The following ZNF527 variants were observed in gnomAD, a reference collection of about 807,000 sequenced individuals.
ZNF527 encodes the protein zinc finger protein 527.
ZNF527 carries 5 observed loss-of-function variants against 13.5 expected under a neutral mutation model. The observed-to-expected ratio is 0.37, with a 90% CI of 0.19 to 0.78. ZNF527 has a LOEUF of 0.78. Ranked by LOEUF, ZNF527 falls within the 30% of genes least tolerant of loss-of-function variation. ZNF527 has a pLI of 0.48. For missense variants in ZNF527, 628 were observed against 726.4 expected, an observed-to-expected ratio of 0.86 and a Z score of 1.56; for synonymous variants, 209 against 243.1, an observed-to-expected ratio of 0.86 and a Z score of 1.30.
At chr19:37,386,738 T>A (rs2040703236) in intron 4 of ZNF527, among the ~76,000 whole-genome samples, 1 of 152,188 alleles carries the variant, frequency 6.6e-6, no homozygotes, top group Admixed American at 6.5e-5. Flanking sequence ...ATAACTGTAG[T>A]CTTCTCCCAT....
chr19:37,389,106 A>G lies in ZNF527; in HGVS notation c.1057A>G (p.Thr353Ala). The change falls in exon 5 of 5, where the codon ACT (threonine) becomes GCT (alanine). Residue 353 changes from threonine (T) to alanine (A), a missense_variant. By Grantham distance (58) the Thr-to-Ala change is moderately conservative (BLOSUM62 0). Around this residue, in one of 3 missense-constraint regions of ZNF527, gnomAD observed 592 missense variants for 678.0 expected, o/e 0.87. Transcript: ENST00000436120. ...CCTTGCTCAACATCAGAGGATCCAC[A>G]CTGGAGAGAAACCGTTTGCGTGCAA... The part of the protein sequence containing the change: ...AHLAQHQRIH[T>A]GEKPFACNEC... The G allele has an allele frequency of 6.2e-7, 1 of 1,614,232 alleles. No individual in the cohort carries two copies. Among genetic ancestry groups the G allele is most frequent in the Non-Finnish European group, 8.5e-7 (1 of 1,180,028 alleles).
At position 37,375,242 on chromosome 19, in the gene ZNF527, T is replaced by TTTTCTTTCTTTC. The variant is rs772278647; in HGVS notation, c.33+1071_33+1082dup. ...TGTGAATTTGGGAGTCCTTAGTGTA[T>TTTTCTTTCTTTC]TTTCTTTCTTTCTTTCTTTCTTTCT... On this transcript the variant is annotated intron_variant, in intron 2 of 4. Coordinates refer to ENST00000436120, the MANE Select transcript of ZNF527 (RefSeq NM_032453.2). 7.8e-3 allele frequency among the ~76,000 whole-genome samples: 761 copies of TTTTCTTTCTTTC among 97,186 alleles called. 9 individuals carry two copies. Among genetic ancestry groups the TTTTCTTTCTTTC allele is most frequent in the Non-Finnish European group, 0.011 (507 of 47,930 alleles). The allele number at this position is 97,186 out of a possible 152,430, so 63.8% of individuals were successfully genotyped here.
Position 37,385,806 on chromosome 19 carries a change from T to C in ZNF527, c.257-2500T>C, listed in dbSNP as rs146219373. On this transcript the variant is annotated intron_variant, in intron 4 of 4. Coordinates refer to ENST00000436120, the MANE Select transcript of ZNF527 (RefSeq NM_032453.2). ...TGTTCTTGCCAACCTTACTCCCTTCTCTCTTCCAATTACTTACATAGCAGT... is the reference window on the plus strand; with the variant it reads ...TGTTCTTGCCAACCTTACTCCCTTCCCTCTTCCAATTACTTACATAGCAGT... Among the ~76,000 whole-genome samples the C allele has an allele frequency of 2.0e-5, 3 of 152,312 alleles. No individual in the cohort carries two copies. The East Asian group carries it at 5.8e-4, about 29-fold the overall frequency.
In ZNF527 at chr19:37,389,803, A is replaced by G; in HGVS notation, c.1754A>G (p.Asn585Ser). 1 of 1,613,310 alleles carries G rather than the reference A, an allele frequency of 6.2e-7. No individual in the cohort carries two copies. Among genetic ancestry groups the G allele is most frequent in the African/African-American group, 1.3e-5 (1 of 75,052 alleles). ...GCTGGAGAAAAACCTTATAAATGTA[A>G]CGAATGTGGGAATAATTTTAGCTGT... Reference protein sequence around the residue: ...IHAGEKPYKCNECGNNFSCVS... With the variant: ...IHAGEKPYKCSECGNNFSCVS... Residue 585 changes from asparagine (N) to serine (S), a missense_variant, in exon 5 of 5, where the codon AAC becomes AGC. By Grantham distance (46) the Asn-to-Ser change is conservative (BLOSUM62 1). This residue lies in a region of ZNF527 where 592 missense variants were observed against 678.0 expected (regional missense o/e 0.87). Transcript: ENST00000436120.
Position 37,379,047 on chromosome 19 carries a change from G to T in ZNF527, c.34-73G>T, listed in dbSNP as rs1472954952. 6.3e-6 allele frequency: 10 copies of T among 1,582,882 alleles called. No individual in the cohort carries two copies. The African/African-American group carries it at 1.4e-4, about 22-fold the overall frequency. ...GCATCACTTAGAGCTTTGAACTCTG[G>T]CCAAATTCATCTTTTTTGCTAGGAC... On this transcript the variant is annotated intron_variant, in intron 2 of 4. Transcript: ENST00000436120.
chr19:37,374,122 C>A, intron 1 of ZNF527, 36 bp from the exon 2 acceptor site: 2 of 1,418,382 alleles, frequency 1.4e-6, no homozygotes, highest in Non-Finnish European at 1.0e-6. Flanking sequence ...ACAGGGCTGG[C>A]ACATCATCAT....
Position 37,389,186 on chromosome 19 carries a change from T to G in ZNF527, c.1137T>G (p.Ile379Met), listed in dbSNP as rs2040728855. Residue 379 changes from isoleucine to methionine, a missense_variant, in exon 5 of 5, where the codon ATT becomes ATG. Transcript: ENST00000436120. ...CCTTCCTTGTTGAACATCAGAGAAT[T>G]CACACAGGTGAGAAACCATATGAAT... ...RYAFLVEHQRIHTGEKPYECK... is the reference protein window; with the variant it reads ...RYAFLVEHQRMHTGEKPYECK... 1.9e-6 allele frequency: 3 copies of G among 1,614,070 alleles called. No individual in the cohort carries two copies. The Admixed American group carries it at 5.0e-5, about 27-fold the overall frequency.
intron 4 of ZNF527, among the ~76,000 whole-genome samples, chr19:37,381,477 A>G (rs929573714): frequency 1.3e-5 from 2 of 152,226 alleles, no homozygotes; most frequent in Admixed American, 1.3e-4. Context: ...TTTGCAAAGA[A>G]TGTCACAGAA....
chr19:37,388,684 T>G lies in ZNF527; in HGVS notation c.635T>G (p.Leu212Arg). The change falls in exon 5 of 5, where the codon CTC (leucine) becomes CGC (arginine). Residue 212 changes from leucine (L) to arginine (R), a missense_variant. By Grantham distance (102) the Leu-to-Arg change is moderately radical. This residue lies in a region of ZNF527 where 592 missense variants were observed against 678.0 expected (regional missense o/e 0.87). Transcript: ENST00000436120. ...QNSVIIEYKR[L>R]HAEKESLIGN... ...TCAGTCATAATTGAATATAAAAGAC[T>G]CCATGCTGAGAAGGAATCTTTGATA... The G allele has an allele frequency of 6.2e-7, 1 of 1,611,600 alleles. No individual in the cohort carries two copies. The highest frequency in any genetic ancestry group is 8.5e-7 in the Non-Finnish European group (1 of 1,179,350).
chr19:37,374,708 G>A (rs1004178104), intron 2 of ZNF527, among the ~76,000 whole-genome samples: 1 of 152,214 alleles, frequency 6.6e-6, no homozygotes, highest in Non-Finnish European at 1.5e-5. Context: ...AGGGAAATGA[G>A]CACTGTGATG....
At chr19:37,379,084 C>A in intron 2 of ZNF527, 36 bp from the exon 3 acceptor site, 2 of 1,613,806 alleles carry the variant, frequency 1.2e-6, no homozygotes, top group Non-Finnish European at 8.5e-7. Flanking sequence ...ATATAGGTGT[C>A]TGGGCACCTG....
In ZNF527 at chr19:37,392,660, G is replaced by A. The variant is rs746701425; in HGVS notation, c.*2781G>A. The A allele has an allele frequency of 2.4e-4, 37 of 152,156 alleles. No homozygotes were observed. Among genetic ancestry groups the A allele is most frequent in the Non-Finnish European group, 5.9e-5 (4 of 68,054 alleles). 9.4% of individuals were successfully genotyped at this position (152,156 alleles called of 1,614,324 possible). A position where few individuals can be genotyped will look rare whatever the true frequency, so the allele number is the denominator to read the frequency against. ...CCATCTCGGCTTCCCAAAGTGCTGA[G>A]ATTATAGGGATGAGTCACTGTGCAC... On this transcript the variant is annotated 3_prime_UTR_variant, in exon 5 of 5. Transcript: ENST00000436120.
At chr19:37,375,339 C>CTTTCTTTCTTT (rs370068382) in intron 2 of ZNF527, among the ~76,000 whole-genome samples, 59 of 69,504 alleles carry the variant, frequency 8.5e-4, no homozygotes, top group Non-Finnish European at 1.2e-3. Context: ...TTCTTTCTTT[C>CTTTCTTTCTTT]CTTTCTTTCC....
At position 37,386,722 on chromosome 19, in the gene ZNF527, T is replaced by G. The variant is rs1234929509; in HGVS notation, c.257-1584T>G. Among the ~76,000 whole-genome samples the G allele has an allele frequency of 2.6e-5, 4 of 152,228 alleles. No individual in the cohort carries two copies. In the East Asian group the frequency reaches 7.7e-4, roughly 29 times the overall value. On this transcript the variant is annotated intron_variant, in intron 4 of 4. Coordinates refer to ENST00000436120, the MANE Select transcript of ZNF527 (RefSeq NM_032453.2). ...CCAGGCACCTCAGAGTCTCCCATGT[T>G]GGAAAATAACTGTAGTCTTCTCCCA...
At position 37,388,698 on chromosome 19, in the gene ZNF527, G is replaced by C; in HGVS notation, c.649G>C (p.Glu217Gln). 6.2e-7 allele frequency: 1 copy of C among 1,611,354 alleles called. No homozygotes were observed. The highest frequency in any genetic ancestry group is 8.5e-7 in the Non-Finnish European group (1 of 1,179,286). The stretch of plus-strand genomic sequence containing the variant: ...ATATAAAAGACTCCATGCTGAGAAG[G>C]AATCTTTGATAGGTAATGAATGTGA... ...IEYKRLHAEKESLIGNECEEF... is the reference protein window; with the variant it reads ...IEYKRLHAEKQSLIGNECEEF... The change falls in exon 5 of 5, where the codon GAA (glutamate) becomes CAA (glutamine). Residue 217 changes from glutamate to glutamine, a missense_variant. Glu to Gln is a conservative substitution (Grantham distance 29). This residue lies in a region of ZNF527 where 592 missense variants were observed against 678.0 expected (regional missense o/e 0.87). Coordinates refer to ENST00000436120, the MANE Select transcript of ZNF527 (RefSeq NM_032453.2).
chr19:37,384,905 T>C, intron 4 of ZNF527: 2 of 701,870 alleles, frequency 2.8e-6, no homozygotes, highest in Non-Finnish European at 5.2e-6. Context: ...TGCAGTGGCA[T>C]GATCTTGGCT....
intron 2 of ZNF527, among the ~76,000 whole-genome samples, chr19:37,378,121 G>A (rs987583339): frequency 1.9e-4 from 28 of 150,858 alleles, no homozygotes; most frequent in Non-Finnish European, 1.9e-4. Flanking sequence ...GCCTCCTCCC[G>A]AGTTCAAGCA....
At position 37,380,261 on chromosome 19, in the gene ZNF527, C is replaced by T. The variant is rs202185704; in HGVS notation, c.161-16C>T. On this transcript the variant is annotated splice_polypyrimidine_tract_variant and intron_variant, in intron 3 of 4. Transcript: ENST00000436120. Reference sequence around the variant, plus strand: ...CTTTCTGTCTCTTGCTCTCATTTTTCTTCCCCTGTGAACAGGACTCTCCAT... The same window carrying T: ...CTTTCTGTCTCTTGCTCTCATTTTTTTTCCCCTGTGAACAGGACTCTCCAT... The T allele has an allele frequency of 5.6e-6, 9 of 1,612,054 alleles. No homozygotes were observed. Among genetic ancestry groups the T allele is most frequent in the Admixed American group, 1.7e-5 (1 of 59,582 alleles).
intron 4 of ZNF527, among the ~76,000 whole-genome samples, chr19:37,386,985 TAAG>T (rs1177722938): frequency 6.6e-6 from 1 of 152,114 alleles, no homozygotes; most frequent in African/African-American, 2.4e-5. Flanking sequence ...TGTAGACAAG[TAAG>T]AAAATCCAAG....
Sources: allele counts gnomAD v4.1 joint callset (sites outside exome capture counted in the v4.1 genomes callset), GRCh38; gene constraint gnomAD v4.1.1; regional missense constraint gnomAD v4.1.1; transcripts MANE v1.5; gene names NCBI Gene and HGNC (gene_info 2026-07-23, HGNC 2026-07-21).